ADGRB3: variants seen among roughly 807,000 people sequenced by gnomAD.
ADGRB3 encodes the protein adhesion G protein-coupled receptor B3.
ADGRB3 carries 37 observed loss-of-function variants against 193.4 expected under a neutral mutation model. The ratio of observed to expected loss-of-function variants is 0.19; its 90% confidence interval spans 0.15 to 0.25. The LOEUF (loss-of-function observed/expected upper bound fraction) is 0.25, where lower values mean the gene tolerates loss of function less well. Among genes scored for constraint, ADGRB3 ranks in the 10% least tolerant of loss-of-function variants. The probability of loss-of-function intolerance (pLI) is 1.00; values close to 1 mark genes in which losing one functional copy is unlikely to be tolerated. For missense variants in ADGRB3, 1,637 were observed against 1,852.9 expected, an observed-to-expected ratio of 0.88 and a Z score of 2.14; for synonymous variants, 690 against 644.2, an observed-to-expected ratio of 1.07 and a Z score of -1.08.
At chr6:69,122,912 A>G (rs943896751) in intron 17 of ADGRB3, among the ~76,000 whole-genome samples, 1 of 151,974 alleles carries the variant, frequency 6.6e-6, no homozygotes, top group Non-Finnish European at 1.5e-5. Flanking sequence ...CTTCATCTAG[A>G]AAACAAGGAT....
intron 17 of ADGRB3, among the ~76,000 whole-genome samples, chr6:69,132,790 G>T (rs1774046944): frequency 6.6e-6 from 1 of 152,028 alleles, no homozygotes; most frequent in South Asian, 2.1e-4. Flanking sequence ...TACACCTTGA[G>T]TTAATTTTTG....
rs116381437 is a variant in ADGRB3 at position 68,667,364 on chromosome 6, G to A, written c.757+27932G>A. Among the ~76,000 whole-genome samples the A allele has an allele frequency of 2.8e-3, 421 of 151,940 alleles. 2 individuals are homozygous for A. Among genetic ancestry groups the A allele is most frequent in the African/African-American group, 9.7e-3 (401 of 41,496 alleles). On this transcript the variant is annotated intron_variant, in intron 3 of 31. Coordinates refer to ENST00000370598, the MANE Select transcript of ADGRB3 (RefSeq NM_001704.3). ...GTGGTTTCACAGTTCTACTAAACCT[G>A]GATGTGCATGCTAAAATGCTAATTC...
chr6:69,311,985 T>C (rs12190438), intron 20 of ADGRB3, among the ~76,000 whole-genome samples: 1,866 of 151,932 alleles, frequency 0.012, 22 homozygotes, highest in Non-Finnish European at 0.017. Context: ...GCCAGACATA[T>C]TCTATGACCT....
intron 20 of ADGRB3, among the ~76,000 whole-genome samples, chr6:69,321,612 G>T (rs1768458912): frequency 6.6e-6 from 1 of 151,670 alleles, no homozygotes; most frequent in South Asian, 2.1e-4. Flanking sequence ...GGGATCTAAG[G>T]GATGATTGAT....
At chr6:69,058,280 G>T (rs1771606135) in intron 15 of ADGRB3, among the ~76,000 whole-genome samples, 1 of 151,560 alleles carries the variant, frequency 6.6e-6, no homozygotes, top group Admixed American at 6.6e-5. Context: ...GCCATCAGTT[G>T]TGATGTCTCC....
chr6:68,639,266 C>T lies in ADGRB3; in HGVS notation c.591C>T (p.Thr197=), dbSNP rs372464854. ...ESCGIMYTKC[T]CPQHLGEWGI... is the part of the protein sequence containing the mutation. The stretch of plus-strand genomic sequence containing the variant: ...GTGGGATCATGTATACAAAATGCAC[C>T]TGCCCTCAGCATTTGGGAGAGTGGG... The change falls in exon 3 of 32, where the codon ACC becomes ACT. Residue 197 remains threonine (T), a synonymous_variant. Coordinates refer to ENST00000370598, the MANE Select transcript of ADGRB3 (RefSeq NM_001704.3). The T allele has an allele frequency of 9.9e-6, 16 of 1,614,100 alleles. No individual in the cohort carries two copies. Among genetic ancestry groups the T allele is most frequent in the South Asian group, 2.2e-5 (2 of 91,076 alleles).
intron 3 of ADGRB3, among the ~76,000 whole-genome samples, chr6:68,788,645 A>G (rs1426654762): frequency 6.6e-6 from 1 of 152,110 alleles, no homozygotes; most frequent in Non-Finnish European, 1.5e-5. Flanking sequence ...TTTGGGGTGG[A>G]GAGTTCTAGA....
intron 17 of ADGRB3, among the ~76,000 whole-genome samples, chr6:69,209,835 G>A (rs567795220): frequency 1.2e-4 from 19 of 152,186 alleles, no homozygotes; most frequent in Admixed American, 6.5e-4. Context: ...CTCTCGACAC[G>A]AGGGATGAAT....
At chr6:69,018,068 C>G (rs1287727141) in intron 12 of ADGRB3, among the ~76,000 whole-genome samples, 1 of 151,702 alleles carries the variant, frequency 6.6e-6, no homozygotes, top group South Asian at 2.1e-4. Context: ...TTTCAGTGTT[C>G]TATGTTTTGT....
chr6:68,691,632 G>A (rs182463772), intron 3 of ADGRB3, among the ~76,000 whole-genome samples: 94 of 151,786 alleles, frequency 6.2e-4, no homozygotes, highest in African/African-American at 2.0e-3. Context: ...TATGATTTAA[G>A]GATAATATAT....
chr6:69,116,888 G>A (rs1350333506), intron 17 of ADGRB3, among the ~76,000 whole-genome samples: 3 of 152,156 alleles, frequency 2.0e-5, no homozygotes, highest in Non-Finnish European at 2.9e-5. Context: ...GCCTGCCAAC[G>A]GGGACTCAGC....
At chr6:69,138,437 C>T (rs1320418499) in intron 17 of ADGRB3, among the ~76,000 whole-genome samples, 1 of 152,158 alleles carries the variant, frequency 6.6e-6, no homozygotes, top group East Asian at 1.9e-4. Context: ...ACTGATAAAC[C>T]TCAGTGGCAG....
chr6:69,215,613 T>A (rs1425377626), intron 17 of ADGRB3, among the ~76,000 whole-genome samples: 1 of 152,064 alleles, frequency 6.6e-6, no homozygotes, highest in East Asian at 1.9e-4. Context: ...AATAAAGAAT[T>A]ATAAGACCTA....
chr6:69,129,963 GT>G (rs1171454619), intron 17 of ADGRB3, among the ~76,000 whole-genome samples: 1 of 152,008 alleles, frequency 6.6e-6, no homozygotes, highest in Non-Finnish European at 1.5e-5. Flanking sequence ...ATAGAATCTA[GT>G]TGGCTACCGA....
rs1206203009 is a variant in ADGRB3, at chr6:69,005,786, T to A, written c.1930-8252T>A. 1.2e-4 allele frequency among the ~76,000 whole-genome samples: 18 copies of A among 152,302 alleles called. No individual in the cohort carries two copies. In the East Asian group the frequency reaches 3.3e-3, roughly 28 times the overall value. ...GCAGACCCCACTATTGACCTTGATA[T>A]CCTTGTCCTTCAGATGTCGCCCTAT... On this transcript the variant is annotated intron_variant, in intron 11 of 31. Transcript: ENST00000370598.
chr6:69,092,801 G>A (rs1035488127), intron 17 of ADGRB3, among the ~76,000 whole-genome samples: 9 of 152,174 alleles, frequency 5.9e-5, no homozygotes, highest in East Asian at 3.8e-4. Flanking sequence ...ACGATTAAAT[G>A]TTAGGTGGGT....
At chr6:68,853,606 T>C (rs1304988406) in intron 3 of ADGRB3, among the ~76,000 whole-genome samples, 4 of 152,146 alleles carry the variant, frequency 2.6e-5, no homozygotes, top group Admixed American at 2.6e-4. Flanking sequence ...GGATATATTA[T>C]ACATAGCTCT....
intron 3 of ADGRB3, among the ~76,000 whole-genome samples, chr6:68,772,716 C>A (rs1006980073): frequency 6.6e-6 from 1 of 150,984 alleles, no homozygotes; most frequent in Non-Finnish European, 1.5e-5. Context: ...GCCTTTATAC[C>A]TTGTAAAAAC....
chr6:69,071,990 C>T (rs925651252), intron 16 of ADGRB3, among the ~76,000 whole-genome samples: 1 of 152,024 alleles, frequency 6.6e-6, no homozygotes, highest in Non-Finnish European at 1.5e-5. Context: ...TTTACAGGTA[C>T]TTACTCAGCA....
Sources: allele counts gnomAD v4.1 joint callset (sites outside exome capture counted in the v4.1 genomes callset), GRCh38; gene constraint gnomAD v4.1.1; transcripts MANE v1.5; gene names NCBI Gene and HGNC (gene_info 2026-07-23, HGNC 2026-07-21).